The following BTBD10 variants were observed in gnomAD, a reference collection of about 807,000 sequenced individuals.
BTBD10 encodes BTB domain containing 10.
A neutral mutation model predicts 53.2 loss-of-function variants in BTBD10; 21 were observed. The ratio of observed to expected loss-of-function variants is 0.39; its 90% CI spans 0.28 to 0.57. The LOEUF is 0.57. Among genes scored for constraint, BTBD10 ranks in the 20% least tolerant of loss-of-function variants. The pLI is 0.53. For missense variants in BTBD10, 360 were observed against 594.7 expected, an observed-to-expected ratio of 0.61 and a Z score of 4.10; for synonymous variants, 149 against 192.7, an observed-to-expected ratio of 0.77 and a Z score of 1.88.
chr11:13,459,309 C>G (rs1345646944), intron 1 of BTBD10, among the ~76,000 whole-genome samples: 1 of 152,010 alleles, frequency 6.6e-6, no homozygotes, highest in Non-Finnish European at 1.5e-5. Flanking sequence ...CCGCCCGCCT[C>G]GGCCTCCCAA....
intron 5 of BTBD10, among the ~76,000 whole-genome samples, chr11:13,416,144 G>A (rs928356282): frequency 1.3e-5 from 2 of 151,812 alleles, no homozygotes; most frequent in Non-Finnish European, 2.9e-5. Context: ...TTGAGCTCAG[G>A]AGTTCAAGAT....
intron 1 of BTBD10, among the ~76,000 whole-genome samples, chr11:13,447,270 C>T (rs781696383): frequency 6.6e-6 from 1 of 152,014 alleles, no homozygotes; most frequent in Non-Finnish European, 1.5e-5. Flanking sequence ...CCAGCCGTTT[C>T]TTTCGAGACA....
chr11:13,445,239 T>C (rs1374967171), intron 1 of BTBD10, 58 bp from the exon 2 acceptor site: 3 of 643,784 alleles, frequency 4.7e-6, no homozygotes, highest in East Asian at 2.6e-5. Context: ...AAAATAGTCA[T>C]AGAATTGTAC....
At chr11:13,442,829 A>G (rs1199909578) in intron 2 of BTBD10, among the ~76,000 whole-genome samples, 1 of 152,168 alleles carries the variant, frequency 6.6e-6, no homozygotes, top group Non-Finnish European at 1.5e-5. Flanking sequence ...TTTACTATGA[A>G]TTCAAAAAGT....
At chr11:13,460,621 T>C (rs1391947257) in intron 1 of BTBD10, among the ~76,000 whole-genome samples, 1 of 152,224 alleles carries the variant, frequency 6.6e-6, no homozygotes, top group African/African-American at 2.4e-5. Context: ...AATCAATCTT[T>C]TAATGAACAA....
intron 2 of BTBD10, among the ~76,000 whole-genome samples, chr11:13,442,158 C>T (rs571061399): frequency 3.9e-5 from 6 of 152,156 alleles, no homozygotes; most frequent in Admixed American, 6.5e-5. Context: ...GAATAATAAA[C>T]CCCTAACATC....
At chr11:13,389,580 A>AC (rs1949353160) in intron 8 of BTBD10, among the ~76,000 whole-genome samples, 1 of 152,174 alleles carries the variant, frequency 6.6e-6, no homozygotes, top group Admixed American at 6.5e-5. Flanking sequence ...GGCATGTGCC[A>AC]CCATGCCCGG....
intron 2 of BTBD10, among the ~76,000 whole-genome samples, chr11:13,441,169 T>C (rs761079967): frequency 5.3e-5 from 8 of 152,180 alleles, no homozygotes; most frequent in Non-Finnish European, 1.0e-4. Context: ...CATATAGACC[T>C]GCTGAGAGAT....
chr11:13,396,330 GCT>G (rs1417498004), intron 8 of BTBD10, among the ~76,000 whole-genome samples: 3 of 152,070 alleles, frequency 2.0e-5, no homozygotes, highest in Non-Finnish European at 4.4e-5. Context: ...TCATGATTTG[GCT>G]CTCTGTTTGT....
chr11:13,440,959 A>C (rs947968153), intron 2 of BTBD10, among the ~76,000 whole-genome samples: 2 of 152,174 alleles, frequency 1.3e-5, no homozygotes, highest in Admixed American at 1.3e-4. Flanking sequence ...GGCCAAATAC[A>C]TTTCAACTGA....
chr11:13,416,974 G>A (rs1318351858), intron 5 of BTBD10, among the ~76,000 whole-genome samples, 184 bp downstream of exon 5: 1 of 152,158 alleles, frequency 6.6e-6, no homozygotes, highest in Non-Finnish European at 1.5e-5. Flanking sequence ...GGGTGAAAGA[G>A]CAAGACCCTG....
chr11:13,437,988 C>T (rs960410746), intron 2 of BTBD10, among the ~76,000 whole-genome samples: 6 of 152,028 alleles, frequency 3.9e-5, no homozygotes, highest in African/African-American at 1.4e-4. Flanking sequence ...CTCATATTGG[C>T]CTTCATGTCC....
chr11:13,415,726 A>T (rs1950090455), intron 5 of BTBD10, among the ~76,000 whole-genome samples: 1 of 151,610 alleles, frequency 6.6e-6, no homozygotes, highest in Non-Finnish European at 1.5e-5. Flanking sequence ...CTTTGTTTTC[A>T]TTTCTGCATT....
At chr11:13,432,614 A>G (rs903699827) in intron 2 of BTBD10, among the ~76,000 whole-genome samples, 2 of 152,050 alleles carry the variant, frequency 1.3e-5, no homozygotes, top group Admixed American at 6.6e-5. Flanking sequence ...ACAAAAAAAC[A>G]CACAAAACTG....
At chr11:13,448,498 G>A (rs1166906506) in intron 1 of BTBD10, among the ~76,000 whole-genome samples, 1 of 151,940 alleles carries the variant, frequency 6.6e-6, no homozygotes, top group Non-Finnish European at 1.5e-5. Flanking sequence ...TCATCATCTT[G>A]GCCTCTCACA....
chr11:13,408,215 C>T (rs1259202981), intron 6 of BTBD10, among the ~76,000 whole-genome samples: 1 of 152,148 alleles, frequency 6.6e-6, no homozygotes, highest in Non-Finnish European at 1.5e-5. Flanking sequence ...CATCCTCTTG[C>T]CTCCATCCTG....
intron 8 of BTBD10, among the ~76,000 whole-genome samples, chr11:13,399,830 TTGGTA>T (rs764651163): frequency 6.6e-6 from 1 of 152,204 alleles, no homozygotes; most frequent in Non-Finnish European, 1.5e-5. Context: ...CCTGTTTACC[TTGGTA>T]TCAGCAGCAG....
chr11:13,388,831 T>C lies in BTBD10; in HGVS notation c.1428A>G (p.Ter476TrpextTer2). 2.5e-6 allele frequency: 4 copies of C among 1,608,426 alleles called. No homozygotes were observed. Among genetic ancestry groups the C allele is most frequent in the Non-Finnish European group, 3.4e-6 (4 of 1,175,912 alleles). ...LDPDAQNPML[*>W] ...GCTATGGTTTCAAGGAAGATCAGCATCACAGCATTGGATTCTGTGCATCAG... is the reference window on the plus strand; with the variant it reads ...GCTATGGTTTCAAGGAAGATCAGCACCACAGCATTGGATTCTGTGCATCAG... The change falls in exon 9 of 9, where the codon TGA becomes TGG. Residue 476 changes from the stop codon to tryptophan (W), a stop_lost. Coordinates refer to ENST00000278174, the MANE Select transcript of BTBD10 (RefSeq NM_032320.7).
intron 1 of BTBD10, among the ~76,000 whole-genome samples, chr11:13,460,997 C>T (rs1051654510): frequency 6.6e-6 from 1 of 152,190 alleles, no homozygotes; most frequent in Admixed American, 6.5e-5. Context: ...GTTATTTCCA[C>T]AGTTAAAACG....
Sources: allele counts gnomAD v4.1 joint callset (sites outside exome capture counted in the v4.1 genomes callset), GRCh38; gene constraint gnomAD v4.1.1; transcripts MANE v1.5; gene names NCBI Gene and HGNC (gene_info 2026-07-23, HGNC 2026-07-21).